Variants in ELMO1 observed in about 807,000 individuals in gnomAD.
The protein encoded by ELMO1 is engulfment and cell motility 1.
In ELMO1, 26 loss-of-function variants were observed where a neutral mutation model predicts 98.9. The observed-to-expected ratio is 0.26, with a 90% CI of 0.19 to 0.36. The LOEUF is 0.36. Ranked by LOEUF, ELMO1 falls within the 10% of genes least tolerant of loss-of-function variation. The pLI is 1.00. For missense variants in ELMO1, 627 were observed against 935.2 expected (o/e 0.67, Z 4.30); for synonymous variants, 346 against 346.0 (o/e 1.00, Z 0.00).
chr7:37,070,797 G>C (rs1797228230), intron 15 of ELMO1, among the ~76,000 whole-genome samples: 1 of 152,188 alleles, frequency 6.6e-6, no homozygotes, highest in African/African-American at 2.4e-5. Flanking sequence ...GGGTAATCCA[G>C]TTAAGGGGAG....
chr7:37,440,006 T>C (rs1471823284), intron 1 of ELMO1, among the ~76,000 whole-genome samples: 5 of 152,118 alleles, frequency 3.3e-5, no homozygotes, highest in Non-Finnish European at 7.3e-5. Context: ...TGTGTCTTTC[T>C]CTCACACACA....
chr7:36,885,953 C>CGGA (rs1371634072), intron 18 of ELMO1, among the ~76,000 whole-genome samples: 9 of 152,336 alleles, frequency 5.9e-5, no homozygotes, highest in African/African-American at 2.2e-4. Flanking sequence ...ATTGCTATCC[C>CGGA]CATTTCGGAT....
At chr7:36,959,287 A>G (rs1416140178) in intron 16 of ELMO1, among the ~76,000 whole-genome samples, 2 of 150,718 alleles carry the variant, frequency 1.3e-5, no homozygotes, top group Non-Finnish European at 3.0e-5. Context: ...ATTCCCCTAC[A>G]GTCTCAGTGG....
chr7:37,396,488 A>T (rs1369924296), intron 1 of ELMO1, among the ~76,000 whole-genome samples: 1 of 152,240 alleles, frequency 6.6e-6, no homozygotes, highest in East Asian at 1.9e-4. Context: ...TGAAGTAGAT[A>T]AAAAACCTAG....
intron 16 of ELMO1, among the ~76,000 whole-genome samples, chr7:36,981,226 C>T (rs186432449): frequency 2.6e-4 from 39 of 150,278 alleles, no homozygotes; most frequent in Non-Finnish European, 5.0e-4. Flanking sequence ...CTCATTTCAC[C>T]CGTTTGATTT....
chr7:37,000,209 G>A (rs1792550808), intron 16 of ELMO1, among the ~76,000 whole-genome samples: 1 of 152,200 alleles, frequency 6.6e-6, no homozygotes, highest in African/African-American at 2.4e-5. Flanking sequence ...TGTGATGCGT[G>A]GGTCTTTTCC....
intron 13 of ELMO1, among the ~76,000 whole-genome samples, chr7:37,195,642 G>C (rs1791920447): frequency 6.6e-6 from 1 of 152,222 alleles, no homozygotes; most frequent in African/African-American, 2.4e-5. Flanking sequence ...AGGAAGAACT[G>C]TACCTCCTCC....
chr7:37,139,392 T>C (rs763510668), intron 13 of ELMO1, among the ~76,000 whole-genome samples: 5 of 152,204 alleles, frequency 3.3e-5, no homozygotes, highest in Non-Finnish European at 7.3e-5. Context: ...ACAAAATTAA[T>C]GTATGCCAAT....
intron 7 of ELMO1, among the ~76,000 whole-genome samples, chr7:37,241,592 C>G (rs1794768303): frequency 6.6e-6 from 1 of 152,140 alleles, no homozygotes; most frequent in African/African-American, 2.4e-5. Context: ...TCCTTACCTT[C>G]TTTTGAATTA....
chr7:37,442,051 C>T (rs1423192239), intron 1 of ELMO1, among the ~76,000 whole-genome samples: 2 of 152,150 alleles, frequency 1.3e-5, no homozygotes, highest in South Asian at 4.1e-4. Context: ...AGCTTGGGGA[C>T]AGGAAAATTG....
chr7:36,961,631 T>G (rs892367007), intron 16 of ELMO1, among the ~76,000 whole-genome samples: 3 of 152,228 alleles, frequency 2.0e-5, no homozygotes, highest in African/African-American at 7.2e-5. Context: ...TGCTCAAAAA[T>G]CTTTTTCTTT....
chr7:36,910,436 G>A (rs1233057818), intron 16 of ELMO1, among the ~76,000 whole-genome samples: 2 of 152,180 alleles, frequency 1.3e-5, no homozygotes, highest in Non-Finnish European at 2.9e-5. Flanking sequence ...CCTGCAGGAT[G>A]GGTATAATCT....
chr7:37,088,753 T>C (rs990641576), intron 15 of ELMO1, among the ~76,000 whole-genome samples: 7 of 152,250 alleles, frequency 4.6e-5, no homozygotes, highest in Non-Finnish European at 1.0e-4. Flanking sequence ...ACTATTAGTT[T>C]TTTAATTATT....
intron 3 of ELMO1, among the ~76,000 whole-genome samples, 189 bp from the exon 4 acceptor site, chr7:37,315,111 A>C (rs886141211): frequency 2.6e-5 from 4 of 152,222 alleles, no homozygotes; most frequent in African/African-American, 9.6e-5. Context: ...CAATCATTTC[A>C]TGTGTAGACT....
At chr7:37,200,125 A>C (rs1204600212) in intron 13 of ELMO1, among the ~76,000 whole-genome samples, 1 of 152,062 alleles carries the variant, frequency 6.6e-6, no homozygotes, top group African/African-American at 2.4e-5. Flanking sequence ...CCAGGCTGGA[A>C]TTCAGTGATG....
intron 7 of ELMO1, among the ~76,000 whole-genome samples, chr7:37,243,065 T>C (rs1794835158): frequency 6.6e-6 from 1 of 152,216 alleles, no homozygotes; most frequent in South Asian, 2.1e-4. Context: ...TTATCTGTGT[T>C]AGTCTGATTG....
intron 15 of ELMO1, among the ~76,000 whole-genome samples, chr7:37,048,954 T>C (rs1795949576): frequency 6.6e-6 from 1 of 152,184 alleles, no homozygotes; most frequent in African/African-American, 2.4e-5. Flanking sequence ...GAAATGGCGA[T>C]TCCCAATGAG....
intron 15 of ELMO1, among the ~76,000 whole-genome samples, chr7:37,055,221 T>C (rs779977162): frequency 6.6e-6 from 1 of 152,192 alleles, no homozygotes; most frequent in East Asian, 1.9e-4. Flanking sequence ...GAGGCATCTA[T>C]AGAAAAGACA....
chr7:37,295,057 A>G (rs1247003294), intron 4 of ELMO1, among the ~76,000 whole-genome samples: 3 of 152,312 alleles, frequency 2.0e-5, no homozygotes, highest in Admixed American at 2.0e-4. Flanking sequence ...TAAATGCAAA[A>G]GTTACCTAGA....
Sources: allele counts gnomAD v4.1 joint callset (sites outside exome capture counted in the v4.1 genomes callset), GRCh38; gene constraint gnomAD v4.1.1; transcripts MANE v1.5; gene names NCBI Gene and HGNC (gene_info 2026-07-23, HGNC 2026-07-21).